SCN11A: variants seen among roughly 807,000 people sequenced by gnomAD.
SCN11A encodes sodium voltage-gated channel alpha subunit 11.
A neutral mutation model predicts 162.2 loss-of-function variants in SCN11A; 122 were observed. That is an observed-to-expected ratio of 0.75 (90% confidence interval 0.65 to 0.87). SCN11A has a LOEUF of 0.87. SCN11A is among the 40% of genes least tolerant of loss of function. The pLI is 0.00. For synonymous variants in SCN11A, 758 were observed against 751.5 expected (o/e 1.01, Z -0.14); for missense variants, 2,015 against 2,181.6 (o/e 0.92, Z 1.52).
At chr3:38,886,982 A>C (rs1046701845) in intron 19 of SCN11A, among the ~76,000 whole-genome samples, 44 of 152,082 alleles carry the variant, frequency 2.9e-4, no homozygotes, top group African/African-American at 9.9e-4. Context: ...GACAACCTGC[A>C]TATGTGTTAC....
At chr3:39,028,903 G>A (rs539268567) in intron 2 of SCN11A, among the ~76,000 whole-genome samples, 2 of 152,156 alleles carry the variant, frequency 1.3e-5, no homozygotes, top group Non-Finnish European at 2.9e-5. Context: ...AAGTTCCCAC[G>A]ACTTTTCAAC....
chr3:38,927,630 C>A (rs1266191617), intron 7 of SCN11A, among the ~76,000 whole-genome samples: 1 of 152,150 alleles, frequency 6.6e-6, no homozygotes, highest in Admixed American at 6.6e-5. Flanking sequence ...CAGTTCAGTT[C>A]AGCATGGCTG....
At chr3:38,848,687 CT>C (rs897172900) in intron 29 of SCN11A, among the ~76,000 whole-genome samples, 3 of 152,204 alleles carry the variant, frequency 2.0e-5, no homozygotes, top group African/African-American at 7.2e-5. Context: ...ATGAATATTT[CT>C]TGGGCTGATC....
Position 38,919,920 on chromosome 3 carries a change from T to A in SCN11A, c.959+15A>T, listed in dbSNP as rs1288094393. On this transcript the variant is annotated intron_variant, in intron 11 of 29. Transcript: ENST00000302328. ...GGTACTCTTCTTGGGAGGAAAATGA[T>A]TATAAACCTCTTACCTGTTACCCAT... 1 of 1,602,138 alleles carries A rather than the reference T, an allele frequency of 6.2e-7. No homozygotes were observed. Among genetic ancestry groups the A allele is most frequent in the Middle Eastern group, 1.7e-4 (1 of 6,034 alleles).
In SCN11A at chr3:38,879,986, G is replaced by A; in HGVS notation, c.3357C>T (p.Thr1119=). The A allele has an allele frequency of 1.9e-6, 3 of 1,613,012 alleles. No individual in the cohort carries two copies. Among genetic ancestry groups the A allele is most frequent in the Non-Finnish European group, 2.5e-6 (3 of 1,179,404 alleles). The stretch of plus-strand genomic sequence containing the variant: ...TGAAATCAAGGCAGCACCAGGCACT[G>A]GTGAAATACTTTCCAAATCCGAAGG... ...WVAFGFGKYF[T]SAWCCLDFII... is the part of the protein sequence containing the mutation. The change falls in exon 23 of 30, where the codon ACC becomes ACT. Residue 1119 remains threonine (T), a synonymous_variant. Transcript: ENST00000302328.
chr3:38,963,591 T>C (rs4510327), intron 2 of SCN11A, among the ~76,000 whole-genome samples: 14,757 of 151,314 alleles, frequency 0.098, 872 homozygotes, highest in Middle Eastern at 0.16. Context: ...CTGGATAAGA[T>C]TGGAGGCTAT....
chr3:38,941,846 AAAATCCAATTAT>A (rs1326367928), intron 7 of SCN11A, among the ~76,000 whole-genome samples: 2 of 152,170 alleles, frequency 1.3e-5, no homozygotes, highest in Admixed American at 6.5e-5. Flanking sequence ...ATAGCAAAGC[AAAATCCAATTAT>A]ATAACTATAT....
At chr3:39,017,404 A>T (rs919390504) in intron 2 of SCN11A, among the ~76,000 whole-genome samples, 15 of 152,192 alleles carry the variant, frequency 9.9e-5, no homozygotes, top group Non-Finnish European at 1.8e-4. Context: ...AAGAAATCTA[A>T]AGTCATCCTC....
chr3:39,027,371 G>A (rs2031614887), intron 2 of SCN11A, among the ~76,000 whole-genome samples: 1 of 152,100 alleles, frequency 6.6e-6, no homozygotes, highest in Non-Finnish European at 1.5e-5. Context: ...GGGTTTTGGG[G>A]GTCATTCACT....
At chr3:38,950,950 G>C (rs1271658193) in intron 4 of SCN11A, among the ~76,000 whole-genome samples, 2 of 152,254 alleles carry the variant, frequency 1.3e-5, no homozygotes, top group African/African-American at 4.8e-5. Flanking sequence ...CTCACTTCTA[G>C]GACTTCGACC....
intron 27 of SCN11A, among the ~76,000 whole-genome samples, chr3:38,866,688 G>A (rs1292710320): frequency 1.3e-5 from 2 of 152,182 alleles, no homozygotes; most frequent in East Asian, 3.8e-4. Flanking sequence ...GTCTAAAGTG[G>A]TTATCATTTG....
intron 29 of SCN11A, chr3:38,849,533 G>T (rs1396942505): frequency 6.6e-6 from 1 of 152,050 alleles, no homozygotes; most frequent in Non-Finnish European, 1.5e-5. Context: ...TTCTTTCTGA[G>T]ATCGCAAAAA....
In SCN11A at chr3:38,908,077, C is replaced by T; in HGVS notation, c.1345G>A (p.Glu449Lys). 6.2e-7 allele frequency: 1 copy of T among 1,612,906 alleles called. No homozygotes were observed. The stretch of plus-strand genomic sequence containing the variant: ...TTTTTTGGGGTAAAATATGATGTTT[C>T]AAGGGAAGTAAGTGAACTTCTGTCA... ...GIDRSSLTSL[E>K]TSYFTPKKRK... The change falls in exon 14 of 30, where the codon GAA becomes AAA. Residue 449 changes from glutamate (E) to lysine (K), a missense_variant. Transcript: ENST00000302328.
intron 11 of SCN11A, among the ~76,000 whole-genome samples, chr3:38,919,223 A>C (rs2066008128): frequency 6.6e-6 from 1 of 152,210 alleles, no homozygotes; most frequent in South Asian, 2.1e-4. Context: ...GAAGACATCA[A>C]ATCCAAAAAC....
rs930264437 is a variant in SCN11A, at chr3:38,927,735, G to GA, written c.489-805dup. Reference sequence around the variant, plus strand: ...GGAAGGAGAAGAATGAGAGTGAAGCGAAGGGGAAAGCCCCTAATGAAACTA... The same window carrying GA: ...GGAAGGAGAAGAATGAGAGTGAAGCGAAAGGGGAAAGCCCCTAATGAAACTA... On this transcript the variant is annotated intron_variant, in intron 7 of 29. Transcript: ENST00000302328. Among the ~76,000 whole-genome samples the GA allele has an allele frequency of 1.7e-3, 261 of 152,272 alleles. 2 individuals carry two copies. Among genetic ancestry groups the GA allele is most frequent in the African/African-American group, 5.9e-3 (245 of 41,540 alleles).
chr3:38,937,103 C>G (rs529702746), intron 7 of SCN11A, among the ~76,000 whole-genome samples: 8,813 of 151,138 alleles, frequency 0.058, 297 homozygotes, highest in Middle Eastern at 0.1. Context: ...ACAAACCTGA[C>G]AAAAACAAGC....
intron 2 of SCN11A, among the ~76,000 whole-genome samples, chr3:38,992,010 T>C (rs986392326): frequency 1.3e-5 from 2 of 152,138 alleles, no homozygotes; most frequent in Non-Finnish European, 1.5e-5. Context: ...GGTTTTACCA[T>C]GTTGGCCAGG....
intron 2 of SCN11A, among the ~76,000 whole-genome samples, chr3:38,976,680 T>G (rs1317883849): frequency 1.3e-5 from 2 of 152,182 alleles, no homozygotes; most frequent in Non-Finnish European, 2.9e-5. Context: ...CACTTGATCT[T>G]AGCAGTTCTT....
rs199549308 is a variant in SCN11A at position 38,908,140 on chromosome 3, G to C, written c.1300-18C>G. ...ACCAGAGCCTTCAAATTGAACAAAA[G>C]CAATTAAAGAACAGATTACACCTCC... On this transcript the variant is annotated intron_variant, in intron 13 of 29. Transcript: ENST00000302328. 837 of 1,604,468 alleles carry C rather than the reference G, an allele frequency of 5.2e-4. 11 individuals carry two copies. In the South Asian group the frequency reaches 8.7e-3, roughly 17 times the overall value.
Sources: allele counts gnomAD v4.1 joint callset (sites outside exome capture counted in the v4.1 genomes callset), GRCh38; gene constraint gnomAD v4.1.1; transcripts MANE v1.5; gene names NCBI Gene and HGNC (gene_info 2026-07-23, HGNC 2026-07-21).